The following CTNNA3 variants were observed in gnomAD, a reference collection of about 807,000 sequenced individuals.
CTNNA3 encodes the protein catenin alpha 3, also known as catenin alpha-3.
Under a neutral mutation model 95.7 loss-of-function variants are expected in CTNNA3, and 76 were observed. That is an observed-to-expected ratio of 0.79 (90% CI 0.66 to 0.96). CTNNA3 has a LOEUF of 0.96. Ranked by LOEUF, CTNNA3 falls within the 40% of genes least tolerant of loss-of-function variation. The probability of loss-of-function intolerance (pLI) is 0.00; values close to 1 mark genes in which losing one functional copy is unlikely to be tolerated. For missense variants in CTNNA3, 1,191 were observed against 1,089.8 expected (o/e 1.09, Z -1.31); for synonymous variants, 431 against 374.4 (o/e 1.15, Z -1.74).
intron 3 of CTNNA3, among the ~76,000 whole-genome samples, chr10:67,590,877 G>T (rs1842770243): frequency 1.3e-5 from 2 of 151,986 alleles, no homozygotes; most frequent in South Asian, 4.1e-4. Flanking sequence ...GAAGTAGTAA[G>T]ATTTGAATTA....
intron 7 of CTNNA3, among the ~76,000 whole-genome samples, chr10:66,994,968 G>A (rs769419206): frequency 5.3e-5 from 8 of 152,110 alleles, no homozygotes; most frequent in Non-Finnish European, 1.2e-4. Context: ...CTCTCCACAA[G>A]GTCTATCTTC....
At chr10:66,218,580 C>T (rs2088706031) in intron 13 of CTNNA3, among the ~76,000 whole-genome samples, 1 of 152,206 alleles carries the variant, frequency 6.6e-6, no homozygotes, top group Non-Finnish European at 1.5e-5. Flanking sequence ...CTAGCAAACA[C>T]TTCAACTGTA....
chr10:66,379,166 A>T lies in CTNNA3; in HGVS notation c.1718T>A (p.Phe573Tyr). 6.2e-7 allele frequency: 1 copy of T among 1,613,818 alleles called. No individual in the cohort carries two copies. Among genetic ancestry groups the T allele is most frequent in the Non-Finnish European group, 8.5e-7 (1 of 1,179,690 alleles). Residue 573 changes from phenylalanine to tyrosine, a missense_variant, in exon 12 of 18, where the codon TTC becomes TAC. Physicochemically the swap from Phe to Tyr is conservative, Grantham distance 22 (BLOSUM62 3). Coordinates refer to ENST00000433211, the MANE Select transcript of CTNNA3 (RefSeq NM_013266.4). ...AACTGACTTACCAGTACTTGTAAGG[A>T]AGTTAACATTTCTCATTACACCTTC... ...YTEGVMRNVNFLTSTVIPEFV... is the reference protein window; with the variant it reads ...YTEGVMRNVNYLTSTVIPEFV...
At chr10:67,642,315 A>G (rs2133467765) in intron 2 of CTNNA3, among the ~76,000 whole-genome samples, 1 of 152,318 alleles carries the variant, frequency 6.6e-6, no homozygotes, top group South Asian at 2.1e-4. Context: ...TCCAGAGTCT[A>G]CAAGGAACTT....
intron 10 of CTNNA3, among the ~76,000 whole-genome samples, chr10:66,527,057 T>C (rs1841293334): frequency 6.6e-6 from 1 of 152,198 alleles, no homozygotes; most frequent in Non-Finnish European, 1.5e-5. Flanking sequence ...TCTATATTTT[T>C]AGTCACTATG....
chr10:67,556,461 C>T (rs1274167192), intron 3 of CTNNA3, among the ~76,000 whole-genome samples: 3 of 152,170 alleles, frequency 2.0e-5, no homozygotes. Flanking sequence ...AGGGATTCAA[C>T]TTCCTCCTGG....
chr10:67,698,924 C>T (rs1841010949), upstream of CTNNA3, among the ~76,000 whole-genome samples: 1 of 152,104 alleles, frequency 6.6e-6, no homozygotes, highest in African/African-American at 2.4e-5. Context: ...TCCTGCCTCA[C>T]TAAGAAGAAC....
At chr10:67,392,634 G>T (rs962913873) in intron 5 of CTNNA3, among the ~76,000 whole-genome samples, 10 of 152,226 alleles carry the variant, frequency 6.6e-5, no homozygotes, top group Non-Finnish European at 7.4e-5. Context: ...CTCTTCACAA[G>T]AGCAAAGACT....
chr10:67,303,637 C>A (rs1229129559), intron 5 of CTNNA3, among the ~76,000 whole-genome samples: 1 of 152,186 alleles, frequency 6.6e-6, no homozygotes, highest in Non-Finnish European at 1.5e-5. Context: ...AAGCTAATAA[C>A]TAGATTCCAA....
intron 7 of CTNNA3, among the ~76,000 whole-genome samples, chr10:67,136,514 G>T (rs911872991): frequency 1.3e-5 from 2 of 151,982 alleles, no homozygotes; most frequent in Admixed American, 6.6e-5. Context: ...AAGAATGATT[G>T]CAATATTCTA....
At chr10:65,945,922 A>G (rs2077509969) in intron 17 of CTNNA3, among the ~76,000 whole-genome samples, 1 of 152,154 alleles carries the variant, frequency 6.6e-6, no homozygotes, top group Non-Finnish European at 1.5e-5. Context: ...GTCCTAAAAG[A>G]GTGTTTCATC....
chr10:67,620,389 T>C (rs1284383588), intron 2 of CTNNA3, among the ~76,000 whole-genome samples: 1 of 152,042 alleles, frequency 6.6e-6, no homozygotes. Flanking sequence ...AAAGGCCGCA[T>C]CTCCCACCGT....
intron 11 of CTNNA3, among the ~76,000 whole-genome samples, chr10:66,494,039 CTAGGACTACAGG>C (rs199917220): frequency 0.027 from 4,154 of 151,290 alleles, 201 homozygotes; most frequent in African/African-American, 0.095. Context: ...TCTCGAGTAG[CTAGGACTACAGG>C]CATGTGCCAC....
chr10:67,148,134 G>C (rs916221396), intron 7 of CTNNA3, among the ~76,000 whole-genome samples: 3 of 152,050 alleles, frequency 2.0e-5, no homozygotes, highest in African/African-American at 4.8e-5. Flanking sequence ...ATATGAACTA[G>C]AAAAATAAAG....
At chr10:66,107,672 T>A (rs2133764370) in intron 13 of CTNNA3, among the ~76,000 whole-genome samples, 1 of 152,164 alleles carries the variant, frequency 6.6e-6, no homozygotes, top group East Asian at 1.9e-4. Context: ...TCTATAGACA[T>A]TATCTCACTA....
chr10:66,340,591 A>T (rs958058803), intron 12 of CTNNA3, among the ~76,000 whole-genome samples: 3 of 151,728 alleles, frequency 2.0e-5, no homozygotes, highest in African/African-American at 7.2e-5. Flanking sequence ...CATTACTACT[A>T]ACCCTATTTA....
At chr10:67,698,742 AT>A (rs538446910), upstream of CTNNA3, among the ~76,000 whole-genome samples, 1 of 151,874 alleles carries the variant, frequency 6.6e-6, no homozygotes, top group Non-Finnish European at 1.5e-5. Flanking sequence ...AATTAAAACC[AT>A]TTTTTTCAAA....
chr10:66,015,191 A>T (rs1589251163), intron 15 of CTNNA3, among the ~76,000 whole-genome samples: 1 of 152,122 alleles, frequency 6.6e-6, no homozygotes. Flanking sequence ...ATGATGCTAA[A>T]TGATTTTTAA....
At chr10:66,007,882 G>T (rs1334479593) in intron 15 of CTNNA3, among the ~76,000 whole-genome samples, 2 of 149,610 alleles carry the variant, frequency 1.3e-5, no homozygotes, top group African/African-American at 5.0e-5. Flanking sequence ...TTCCTTCCTG[G>T]AAGGTGTGCG....
Sources: gnomAD v4.1 joint callset for allele counts (sites outside exome capture counted in the v4.1 genomes callset) on GRCh38, gnomAD v4.1.1 for gene constraint, MANE v1.5 for transcripts, NCBI Gene and HGNC (gene_info 2026-07-23, HGNC 2026-07-21) for gene names.